ASAP1: variants seen among roughly 807,000 people sequenced by gnomAD.
ASAP1 encodes ArfGAP with SH3 domain, ankyrin repeat and PH domain 1.
A neutral mutation model predicts 145.2 loss-of-function variants in ASAP1; 43 were observed. That is an observed-to-expected ratio of 0.30 (90% CI 0.23 to 0.38). The LOEUF is 0.38. Among genes scored for constraint, ASAP1 ranks in the 10% least tolerant of loss-of-function variants. The pLI is 1.00. For synonymous variants in ASAP1, 546 were observed against 515.5 expected, an observed-to-expected ratio of 1.06 and a Z score of -0.80; for missense variants, 1,018 against 1,355.3, an observed-to-expected ratio of 0.75 and a Z score of 3.91.
chr8:130,279,217 T>C (rs1821108814), intron 3 of ASAP1, among the ~76,000 whole-genome samples: 1 of 152,158 alleles, frequency 6.6e-6, no homozygotes, highest in Non-Finnish European at 1.5e-5. Flanking sequence ...GTGGTTGCTA[T>C]AGCCTAAAAG....
At chr8:130,201,512 G>T (rs1815867759) in intron 5 of ASAP1, among the ~76,000 whole-genome samples, 1 of 152,184 alleles carries the variant, frequency 6.6e-6, no homozygotes, top group South Asian at 2.1e-4. Context: ...TGGTGGGTTA[G>T]ATTTAACATC....
intron 14 of ASAP1, among the ~76,000 whole-genome samples, chr8:130,134,744 T>G (rs1168711496): frequency 6.6e-6 from 1 of 152,236 alleles, no homozygotes; most frequent in Admixed American, 6.5e-5. Context: ...TCCTATTTGA[T>G]CCAAATGGAT....
intron 3 of ASAP1, among the ~76,000 whole-genome samples, chr8:130,343,274 C>A (rs78633501): frequency 6.6e-6 from 1 of 152,146 alleles, no homozygotes; most frequent in East Asian, 1.9e-4. Context: ...ACTACTAAGG[C>A]GGATACGGGC....
At chr8:130,290,605 C>A (rs1465138279) in intron 3 of ASAP1, among the ~76,000 whole-genome samples, 1 of 152,190 alleles carries the variant, frequency 6.6e-6, no homozygotes, top group Non-Finnish European at 1.5e-5. Context: ...TTCCAGCCTT[C>A]CCTCATTCCA....
At chr8:130,102,079 C>T (rs1406222723) in intron 24 of ASAP1, among the ~76,000 whole-genome samples, 1 of 151,978 alleles carries the variant, frequency 6.6e-6, no homozygotes, top group Non-Finnish European at 1.5e-5. Flanking sequence ...AGTTTGGATG[C>T]CCTTTATTGC....
chr8:130,305,228 G>C (rs1822919733), intron 3 of ASAP1, among the ~76,000 whole-genome samples: 2 of 152,042 alleles, frequency 1.3e-5, no homozygotes, highest in African/African-American at 2.4e-5. Context: ...TTTATTTCTT[G>C]ACTGCCTGTC....
At chr8:130,325,785 G>A (rs192457991) in intron 3 of ASAP1, among the ~76,000 whole-genome samples, 1 of 152,304 alleles carries the variant, frequency 6.6e-6, no homozygotes, top group East Asian at 1.9e-4. Context: ...ATAAACTGCT[G>A]TTGAGATAGA....
intron 26 of ASAP1, among the ~76,000 whole-genome samples, chr8:130,079,700 C>A (rs191967880): frequency 6.6e-6 from 1 of 152,032 alleles, no homozygotes; most frequent in African/African-American, 2.4e-5. Flanking sequence ...GCTCAGAGAA[C>A]GGTCTGCAGA....
At chr8:130,058,974 C>CATAATAAA (rs2097411056) in intron 28 of ASAP1, among the ~76,000 whole-genome samples, 1 of 152,140 alleles carries the variant, frequency 6.6e-6, no homozygotes, top group South Asian at 2.1e-4. Flanking sequence ...GATTAAATGA[C>CATAATAAA]ATAATAAAAC....
At position 130,058,066 on chromosome 8, in the gene ASAP1, T is replaced by G; in HGVS notation, c.3203A>C (p.Lys1068Thr). 6.2e-7 allele frequency: 1 copy of G among 1,613,462 alleles called. No individual in the cohort carries two copies. Among genetic ancestry groups the G allele is most frequent in the Non-Finnish European group, 8.5e-7 (1 of 1,179,372 alleles). The change falls in exon 29 of 30, where the codon AAA becomes ACA. Residue 1068 changes from lysine (K) to threonine (T), a missense_variant. Lys to Thr is a moderately conservative substitution (Grantham distance 78, BLOSUM62 -1). Coordinates refer to ENST00000518721, the MANE Select transcript of ASAP1 (RefSeq NM_018482.4). ...ATAAATGGTCTTCACTCGCCTCACT[T>G]TATTTTTCCCCTTAAAGAAAGAAAC... The part of the protein sequence containing the change: ...LPRKINTGKN[K>T]VRRVKTIYDC...
chr8:130,148,726 T>C (rs1286185097), intron 13 of ASAP1, among the ~76,000 whole-genome samples: 1 of 152,248 alleles, frequency 6.6e-6, no homozygotes, highest in African/African-American at 2.4e-5. Context: ...TGTTTTATGA[T>C]ATTTATTTAT....
intron 3 of ASAP1, among the ~76,000 whole-genome samples, chr8:130,256,761 A>C (rs945866101): frequency 1.0e-5 from 1 of 98,150 alleles, no homozygotes; most frequent in Non-Finnish European, 2.3e-5. Context: ...ATATATATAT[A>C]TATATATATA....
At chr8:130,177,320 T>C (rs1463575902) in intron 9 of ASAP1, among the ~76,000 whole-genome samples, 1 of 152,252 alleles carries the variant, frequency 6.6e-6, no homozygotes, top group East Asian at 1.9e-4. Context: ...TAGGCCAAAC[T>C]CTTCCTTATA....
At chr8:130,237,802 A>C (rs1047115503) in intron 3 of ASAP1, among the ~76,000 whole-genome samples, 4 of 152,082 alleles carry the variant, frequency 2.6e-5, no homozygotes, top group Non-Finnish European at 5.9e-5. Context: ...AACAAGTTTA[A>C]AATGGGGCAT....
chr8:130,178,281 GAATACAGACTTTACT>G (rs574443271), intron 9 of ASAP1, among the ~76,000 whole-genome samples: 59 of 152,118 alleles, frequency 3.9e-4, no homozygotes, highest in Admixed American at 3.3e-3. Context: ...TTCCATCAAC[GAATACAGACTTTACT>G]AATACAGACT....
intron 3 of ASAP1, among the ~76,000 whole-genome samples, chr8:130,276,746 T>TCTCTC (rs796545555): frequency 1.0e-4 from 15 of 150,744 alleles, no homozygotes; most frequent in African/African-American, 3.7e-4. Context: ...TCTCTCTCTC[T>TCTCTC]CTCTCTCTCT....
At position 130,054,386 on chromosome 8, in the gene ASAP1, C is replaced by T; in HGVS notation, c.*345G>A. On this transcript the variant is annotated 3_prime_UTR_variant, in exon 30 of 30. Coordinates refer to ENST00000518721, the MANE Select transcript of ASAP1 (RefSeq NM_018482.4). ...TGTTAGGAACAGAGTCAATTCTATG[C>T]CTTTCAACGGTTGCTGGAGACCACT... The T allele has an allele frequency of 4.4e-6, 1 of 229,520 alleles. No individual in the cohort carries two copies. Among genetic ancestry groups the T allele is most frequent in the Non-Finnish European group, 9.0e-6 (1 of 110,638 alleles). The allele number at this position is 229,520 out of a possible 1,614,324, so 14.2% of individuals were successfully genotyped here. A position where few individuals can be genotyped will look rare whatever the true frequency, so the allele number is the denominator to read the frequency against.
rs557351463 is a variant in ASAP1, at chr8:130,257,790, C to A, written c.187-20796G>T. ...AACTGATTTGGACTCAAGAGCACCC[C>A]CCCCCCATTATTTTTTAGAAGTGCC... On this transcript the variant is annotated intron_variant, in intron 3 of 29. Transcript: ENST00000518721. Among the ~76,000 whole-genome samples the A allele has an allele frequency of 5.6e-5, 8 of 143,026 alleles. No homozygotes were observed. In the East Asian group the frequency reaches 1.6e-3, roughly 29 times the overall value. 93.8% of individuals were successfully genotyped at this position (143,026 alleles called of 152,430 possible).
intron 12 of ASAP1, among the ~76,000 whole-genome samples, chr8:130,155,153 C>T: frequency 6.6e-6 from 1 of 152,118 alleles, no homozygotes; most frequent in South Asian, 2.1e-4. Context: ...TAAGTCTTTA[C>T]TCATTAGTTT....
Sources: allele counts gnomAD v4.1 joint callset (sites outside exome capture counted in the v4.1 genomes callset), GRCh38; gene constraint gnomAD v4.1.1; transcripts MANE v1.5; gene names NCBI Gene and HGNC (gene_info 2026-07-23, HGNC 2026-07-21).